CACNA2D3: variants seen among roughly 807,000 people sequenced by gnomAD.
CACNA2D3 encodes the protein calcium voltage-gated channel auxiliary subunit alpha2delta 3.
A neutral mutation model predicts 160.6 loss-of-function variants in CACNA2D3; 60 were observed. The ratio of observed to expected loss-of-function variants is 0.37; its 90% CI spans 0.30 to 0.46. CACNA2D3 has a LOEUF of 0.46. Among genes scored for constraint, CACNA2D3 ranks in the 20% least tolerant of loss-of-function variants. The pLI is 1.00. For missense variants in CACNA2D3, 1,205 were observed against 1,365.0 expected (o/e 0.88, Z 1.85); for synonymous variants, 558 against 492.9 (o/e 1.13, Z -1.75).
chr3:55,042,427 C>A (rs915293747), intron 35 of CACNA2D3, among the ~76,000 whole-genome samples: 1 of 152,110 alleles, frequency 6.6e-6, no homozygotes, highest in Non-Finnish European at 1.5e-5. Flanking sequence ...TCTCTGGTGA[C>A]ATCCTTTGTC....
chr3:55,017,884 A>G (rs1211984194), intron 34 of CACNA2D3, among the ~76,000 whole-genome samples: 2 of 152,212 alleles, frequency 1.3e-5, no homozygotes. Flanking sequence ...ATTTATTCAG[A>G]TACACATATG....
chr3:54,158,690 G>A (rs1700286477), intron 2 of CACNA2D3, among the ~76,000 whole-genome samples: 1 of 152,144 alleles, frequency 6.6e-6, no homozygotes, highest in Non-Finnish European at 1.5e-5. Context: ...TGAGGTAGTG[G>A]AGAGAGAGCA....
chr3:54,331,720 T>C (rs1287976297), intron 3 of CACNA2D3, among the ~76,000 whole-genome samples: 1 of 152,260 alleles, frequency 6.6e-6, no homozygotes, highest in Non-Finnish European at 1.5e-5. Flanking sequence ...CTTTCTTTTT[T>C]AAAGTTCCTG....
Position 54,237,008 on chromosome 3 carries a change from CTTTTTTTT to C in CACNA2D3, c.205-83426_205-83419del, listed in dbSNP as rs74553858. On this transcript the variant is annotated intron_variant, in intron 2 of 37. Transcript: ENST00000474759. ...CAGCTGTTGTTGTTGCCTGAAACTT[CTTTTTTTT>C]TTTTTTTAACATGCAAAACACATTC... 6.4e-5 allele frequency among the ~76,000 whole-genome samples: 9 copies of C among 140,798 alleles called. No homozygotes were observed. The East Asian group carries it at 1.8e-3, about 29-fold the overall frequency. 92.4% of individuals were successfully genotyped at this position (140,798 alleles called of 152,430 possible). A position where few individuals can be genotyped will look rare whatever the true frequency, so the allele number is the denominator to read the frequency against.
At chr3:54,571,445 G>A (rs865894816) in intron 8 of CACNA2D3, among the ~76,000 whole-genome samples, 17 of 151,310 alleles carry the variant, frequency 1.1e-4, no homozygotes, top group African/African-American at 3.9e-4. Context: ...CAGATGGTTG[G>A]GGGGGGTCTT....
chr3:54,490,169 A>C (rs189299511), intron 4 of CACNA2D3, among the ~76,000 whole-genome samples: 21 of 152,320 alleles, frequency 1.4e-4, no homozygotes, highest in African/African-American at 4.3e-4. Context: ...AAAAGGAGAA[A>C]ATGAAAACAC....
chr3:54,839,300 T>A (rs568095791), intron 16 of CACNA2D3, among the ~76,000 whole-genome samples: 69 of 151,942 alleles, frequency 4.5e-4, no homozygotes, highest in Non-Finnish European at 8.1e-4. Context: ...TTAGACCCCA[T>A]CCAGAAAACT....
chr3:54,951,096 C>A (rs1701745460), intron 27 of CACNA2D3, among the ~76,000 whole-genome samples: 1 of 152,176 alleles, frequency 6.6e-6, no homozygotes, highest in East Asian at 1.9e-4. Context: ...CTACAGAACG[C>A]TCCAACTATA....
chr3:54,258,073 G>T (rs1702333971), intron 2 of CACNA2D3, among the ~76,000 whole-genome samples: 2 of 152,198 alleles, frequency 1.3e-5, no homozygotes, highest in African/African-American at 4.8e-5. Flanking sequence ...AGAAACAGAG[G>T]AGCATCAAAG....
At chr3:54,434,115 C>T (rs1321606649) in intron 4 of CACNA2D3, among the ~76,000 whole-genome samples, 1 of 152,180 alleles carries the variant, frequency 6.6e-6, no homozygotes, top group Admixed American at 6.5e-5. Context: ...GTAGGCAGTG[C>T]TCCTGTTCCC....
rs375710387 is a variant in CACNA2D3, at chr3:54,478,265, T to G, written c.382-25227T>G. Reference sequence around the variant, plus strand: ...ATATAATACAGTAGCCCTCTTTGTATCTGCAGTTTCAGTTATCTGAGGTGA... The same window carrying G: ...ATATAATACAGTAGCCCTCTTTGTAGCTGCAGTTTCAGTTATCTGAGGTGA... On this transcript the variant is annotated intron_variant, in intron 4 of 37. Transcript: ENST00000474759. 4.9e-4 allele frequency among the ~76,000 whole-genome samples: 74 copies of G among 152,242 alleles called. 1 individual carries two copies. The South Asian group carries it at 0.015, about 31-fold the overall frequency.
At chr3:55,063,557 A>G (rs1302759438) in intron 35 of CACNA2D3, among the ~76,000 whole-genome samples, 1 of 152,188 alleles carries the variant, frequency 6.6e-6, no homozygotes, top group Non-Finnish European at 1.5e-5. Flanking sequence ...TCTGGGTCTC[A>G]GCACTATGAG....
At chr3:54,129,656 A>T (rs1486429653) in intron 2 of CACNA2D3, among the ~76,000 whole-genome samples, 1 of 152,200 alleles carries the variant, frequency 6.6e-6, no homozygotes, top group Non-Finnish European at 1.5e-5. Flanking sequence ...GTACCCTCCC[A>T]AGGTTAAAAG....
chr3:54,613,486 T>C lies in CACNA2D3; in HGVS notation c.964-14301T>C, dbSNP rs144130596. On this transcript the variant is annotated intron_variant, in intron 9 of 37. Coordinates refer to ENST00000474759, the MANE Select transcript of CACNA2D3 (RefSeq NM_018398.3). ...TGAATGGCCCTGGGCCTCTCTTGCC[T>C]TGTTCTTTGAGGTCCACGTTTCTGT... Among the ~76,000 whole-genome samples the C allele has an allele frequency of 4.7e-3, 718 of 152,352 alleles. 11 individuals carry two copies. The highest frequency in any genetic ancestry group is 0.016 in the African/African-American group (677 of 41,576).
chr3:54,620,062 T>G (rs1045720614), intron 9 of CACNA2D3, among the ~76,000 whole-genome samples: 4 of 152,156 alleles, frequency 2.6e-5, no homozygotes, highest in African/African-American at 7.2e-5. Context: ...AAAAATGGGC[T>G]TCTGCACTTT....
rs1184135661 is a variant in CACNA2D3 at position 54,225,639 on chromosome 3, A to T, written c.205-94803A>T. 3.3e-5 allele frequency among the ~76,000 whole-genome samples: 5 copies of T among 152,228 alleles called. No homozygotes were observed. In the South Asian group the frequency reaches 1.0e-3, roughly 31 times the overall value. On this transcript the variant is annotated intron_variant, in intron 2 of 37. Coordinates refer to ENST00000474759, the MANE Select transcript of CACNA2D3 (RefSeq NM_018398.3). ...TTAATTTCTCAGTTCAAGAATATTCACTTGGTTTTTCTTACAGACAACAAT... is the reference window on the plus strand; with the variant it reads ...TTAATTTCTCAGTTCAAGAATATTCTCTTGGTTTTTCTTACAGACAACAAT...
intron 11 of CACNA2D3, among the ~76,000 whole-genome samples, chr3:54,671,785 C>T (rs756677041): frequency 2.6e-5 from 4 of 152,144 alleles, no homozygotes; most frequent in Non-Finnish European, 5.9e-5. Context: ...GTGCTGCTTG[C>T]AAATTGGGAG....
chr3:54,569,287 A>G (rs1050742746), intron 6 of CACNA2D3, among the ~76,000 whole-genome samples: 1 of 152,172 alleles, frequency 6.6e-6, no homozygotes, highest in Non-Finnish European at 1.5e-5. Context: ...CCAGGCCAAA[A>G]TTTCTGATTT....
intron 2 of CACNA2D3, among the ~76,000 whole-genome samples, chr3:54,224,908 T>C (rs983203682): frequency 2.0e-5 from 3 of 151,124 alleles, no homozygotes; most frequent in Admixed American, 1.3e-4. Context: ...CTGCTTAGAT[T>C]CCCGAAGCTT....
Sources: allele counts gnomAD v4.1 joint callset (sites outside exome capture counted in the v4.1 genomes callset), GRCh38; gene constraint gnomAD v4.1.1; transcripts MANE v1.5; gene names NCBI Gene and HGNC (gene_info 2026-07-23, HGNC 2026-07-21).